The following WWOX variants were observed in gnomAD, a reference collection of about 807,000 sequenced individuals.
WWOX encodes the protein WW domain containing oxidoreductase, also known as WW domain-containing oxidoreductase.
A neutral mutation model predicts 46.2 loss-of-function variants in WWOX; 69 were observed. The observed-to-expected ratio is 1.49, with a 90% CI of 1.23 to 1.82. The LOEUF is 1.82. WWOX is among the 40% of genes most tolerant of loss of function. The pLI, the probability that WWOX is intolerant of heterozygous loss-of-function variation, is 0.00. For missense variants in WWOX, 919 were observed against 542.6 expected (o/e 1.69, Z -6.89); for synonymous variants, 359 against 202.6 (o/e 1.77, Z -6.56).
intron 8 of WWOX, among the ~76,000 whole-genome samples, chr16:79,037,926 A>G (rs1212359083): frequency 6.6e-6 from 1 of 152,128 alleles, no homozygotes; most frequent in East Asian, 1.9e-4. Flanking sequence ...CATCCGAGAA[A>G]AGCACTCACA....
At chr16:78,676,678 A>G (rs1597431537) in intron 8 of WWOX, among the ~76,000 whole-genome samples, 1 of 152,302 alleles carries the variant, frequency 6.6e-6, no homozygotes, top group Non-Finnish European at 1.5e-5. Flanking sequence ...GTGAAGAAAC[A>G]TTGCTTTTAT....
At chr16:78,502,975 C>T (rs960882128) in intron 8 of WWOX, among the ~76,000 whole-genome samples, 7 of 152,202 alleles carry the variant, frequency 4.6e-5, no homozygotes, top group Non-Finnish European at 1.0e-4. Flanking sequence ...GTGCTGCGAT[C>T]TTTGATTACT....
rs112848799 is a variant in WWOX at position 78,159,581 on chromosome 16, A to G, written c.410-4602A>G. On this transcript the variant is annotated intron_variant, in intron 4 of 8. Coordinates refer to ENST00000566780, the MANE Select transcript of WWOX (RefSeq NM_016373.4). ...ATTTGCATTTTCCTGAGAATTAGTG[A>G]CAGTGAGCCCCTTTTCATACACTTG... Among the ~76,000 whole-genome samples, 1,468 of 151,672 alleles carry G rather than the reference A, an allele frequency of 9.7e-3. 14 individuals are homozygous for G. Among genetic ancestry groups the G allele is most frequent in the Middle Eastern group, 0.021 (6 of 290 alleles).
chr16:79,019,703 C>T (rs1462666281), intron 8 of WWOX, among the ~76,000 whole-genome samples: 3 of 151,878 alleles, frequency 2.0e-5, no homozygotes, highest in Non-Finnish European at 4.4e-5. Context: ...GTAATTGTTG[C>T]AGGCACACTG....
intron 8 of WWOX, among the ~76,000 whole-genome samples, chr16:78,720,597 C>A (rs1487986952): frequency 6.6e-6 from 1 of 151,844 alleles, no homozygotes; most frequent in Non-Finnish European, 1.5e-5. Context: ...TTCAGACCAC[C>A]ATATTTGTCC....
Position 78,261,407 on chromosome 16 carries a change from A to AAAATAAATAAATAAATAAAT in WWOX, c.516+97128_516+97147dup, listed in dbSNP as rs140119556. On this transcript the variant is annotated intron_variant, in intron 5 of 8. Transcript: ENST00000566780. ...GCGACAGAGCAAGACCCTGTCTCTA[A>AAAATAAATAAATAAATAAAT]AAATAAATAAATAAATAAATAAATA... 8.8e-4 allele frequency among the ~76,000 whole-genome samples: 128 copies of AAAATAAATAAATAAATAAAT among 146,146 alleles called. 3 individuals are homozygous for AAAATAAATAAATAAATAAAT. Among genetic ancestry groups the AAAATAAATAAATAAATAAAT allele is most frequent in the African/African-American group, 3.1e-3 (122 of 39,504 alleles).
At chr16:78,898,521 C>T (rs531372474) in intron 8 of WWOX, 11 of 152,120 alleles carry the variant, frequency 7.2e-5, no homozygotes, top group Admixed American at 3.3e-4. Flanking sequence ...ACTTACTGCT[C>T]GATTGCCTGG....
rs539206789 is a variant in WWOX at position 78,287,875 on chromosome 16, G to GT, written c.517-98983dup. Among the ~76,000 whole-genome samples the GT allele has an allele frequency of 5.3e-3, 800 of 152,226 alleles. 10 individuals are homozygous for GT. The highest frequency in any genetic ancestry group is 0.046 in the South Asian group (220 of 4,814). On this transcript the variant is annotated intron_variant, in intron 5 of 8. Transcript: ENST00000566780. ...TGTTTCAGTAGTGGCCTGTTTTAAT[G>GT]TTCCATTCTGAAGAAACTGGTACAG...
chr16:78,124,418 T>G (rs1443809280), intron 4 of WWOX: 1 of 152,222 alleles, frequency 6.6e-6, no homozygotes, highest in Non-Finnish European at 1.5e-5. Flanking sequence ...CTGTTTGGTA[T>G]GACACAGACC....
intron 8 of WWOX, among the ~76,000 whole-genome samples, chr16:78,631,989 AAAAC>A (rs1483324937): frequency 6.6e-6 from 1 of 151,804 alleles, no homozygotes; most frequent in African/African-American, 2.4e-5. Flanking sequence ...TCGGAAAAAT[AAAAC>A]AAAGTTGACA....
intron 8 of WWOX, among the ~76,000 whole-genome samples, chr16:78,698,942 C>T (rs777636653): frequency 1.3e-5 from 2 of 152,170 alleles, no homozygotes; most frequent in African/African-American, 2.4e-5. Context: ...TAATGATTAT[C>T]ATTTGTACAT....
intron 8 of WWOX, among the ~76,000 whole-genome samples, chr16:78,766,917 T>C (rs1282422558): frequency 1.3e-5 from 2 of 152,228 alleles, no homozygotes; most frequent in African/African-American, 4.8e-5. Context: ...TCACATCTTT[T>C]AAAAAATAAC....
intron 8 of WWOX, among the ~76,000 whole-genome samples, chr16:78,761,083 A>T (rs538235833): frequency 6.6e-6 from 1 of 152,156 alleles, no homozygotes; most frequent in South Asian, 2.1e-4. Context: ...GGGAGCTACA[A>T]TTCAAGATGC....
chr16:78,252,716 C>T (rs189523236), intron 5 of WWOX, among the ~76,000 whole-genome samples: 1 of 152,106 alleles, frequency 6.6e-6, no homozygotes, highest in African/African-American at 2.4e-5. Context: ...ACTGAATATA[C>T]CTCTAGATAA....
At chr16:79,026,894 G>A (rs1158979197) in intron 8 of WWOX, among the ~76,000 whole-genome samples, 1 of 150,636 alleles carries the variant, frequency 6.6e-6, no homozygotes, top group African/African-American at 2.5e-5. Flanking sequence ...CTCCCAAAGT[G>A]CTGGGATTAC....
chr16:78,370,042 G>C (rs2081632750), intron 5 of WWOX, among the ~76,000 whole-genome samples: 2 of 142,128 alleles, frequency 1.4e-5, no homozygotes, highest in South Asian at 4.4e-4. Flanking sequence ...TGAAGCATCA[G>C]AATCGCTTCA....
chr16:78,355,472 G>T, intron 5 of WWOX: 1 of 321,770 alleles, frequency 3.1e-6, no homozygotes, highest in African/African-American at 2.3e-5. Context: ...CGTGGTGGCG[G>T]GCACCTGTAG....
At position 78,101,456 on chromosome 16, in the gene WWOX, C is replaced by T. The variant is rs180941041; in HGVS notation, c.107+1571C>T. 9.7e-4 allele frequency among the ~76,000 whole-genome samples: 146 copies of T among 150,148 alleles called. 2 individuals carry two copies. The highest frequency in any genetic ancestry group is 2.7e-3 in the African/African-American group (110 of 40,912). On this transcript the variant is annotated intron_variant, in intron 1 of 8. Coordinates refer to ENST00000566780, the MANE Select transcript of WWOX (RefSeq NM_016373.4). ...CTGCATGCCGAGTTCAAGCGATTCT[C>T]GTGTCTCAGCCTCCCGAATAGCTGG...
intron 8 of WWOX, among the ~76,000 whole-genome samples, chr16:78,589,841 A>G (rs1220131505): frequency 1.3e-5 from 2 of 152,050 alleles, no homozygotes; most frequent in Non-Finnish European, 2.9e-5. Context: ...ACCATTAACT[A>G]TGATGCTACT....
Sources: gnomAD v4.1 joint callset for allele counts (sites outside exome capture counted in the v4.1 genomes callset) on GRCh38, gnomAD v4.1.1 for gene constraint, MANE v1.5 for transcripts, NCBI Gene and HGNC (gene_info 2026-07-23, HGNC 2026-07-21) for gene names.